Variants in PRKN observed in about 807,000 individuals in gnomAD.
PRKN encodes the protein parkin RBR E3 ubiquitin protein ligase.
PRKN carries 56 observed loss-of-function variants against 59.5 expected under a neutral mutation model. That is an observed-to-expected ratio of 0.94 (90% CI 0.76 to 1.18). The LOEUF (loss-of-function observed/expected upper bound fraction) is 1.18. PRKN is among the 50% of genes most tolerant of loss of function. PRKN has a pLI of 0.00. For synonymous variants in PRKN, 250 were observed against 222.1 expected, an observed-to-expected ratio of 1.13 and a Z score of -1.12; for missense variants, 657 against 596.4, an observed-to-expected ratio of 1.10 and a Z score of -1.06.
At chr6:161,573,785 TATATATATATAA>T (rs1238158577) in intron 7 of PRKN, among the ~76,000 whole-genome samples, 4 of 97,106 alleles carry the variant, frequency 4.1e-5, no homozygotes, top group South Asian at 3.6e-4. Flanking sequence ...TATATATATA[TATATATATATAA>T]AACTTCATTC....
chr6:161,476,105 T>G (rs939589612), intron 9 of PRKN, among the ~76,000 whole-genome samples: 2 of 150,832 alleles, frequency 1.3e-5, no homozygotes, highest in East Asian at 3.9e-4. Flanking sequence ...GAGAATGGTG[T>G]GGACCCGGGA....
chr6:162,579,209 A>C (rs910197474), intron 1 of PRKN, among the ~76,000 whole-genome samples: 1 of 152,182 alleles, frequency 6.6e-6, no homozygotes, highest in East Asian at 1.9e-4. Context: ...TCTGTCACTT[A>C]GTTTCAAGAA....
chr6:162,201,309 G>GA, intron 3 of PRKN, 57 bp from the exon 4 acceptor site: 2 of 1,587,448 alleles, frequency 1.3e-6, no homozygotes, highest in Non-Finnish European at 8.6e-7. Flanking sequence ...ATTGAGACAA[G>GA]AAACTCTTTA....
Position 162,011,481 on chromosome 6 carries a change from T to TTATATATATTATAATATATAATATA in PRKN, c.619-38065_619-38064insTATATTATATATTATAATATATATA, listed in dbSNP as rs1782708407. On this transcript the variant is annotated intron_variant, in intron 5 of 11. Coordinates refer to ENST00000366898, the MANE Select transcript of PRKN (RefSeq NM_004562.3). ...TATATATATTATAATATATAATATA[T>TTATATATATTATAATATATAATATA]TATAATATATATAATATATATTTAT... 2.5e-4 allele frequency among the ~76,000 whole-genome samples: 4 copies of TTATATATATTATAATATATAATATA among 16,082 alleles called. 2 individuals are homozygous for TTATATATATTATAATATATAATATA. The highest frequency in any genetic ancestry group is 1.1e-3 in the African/African-American group (4 of 3,636). The allele number at this position is 16,082 out of a possible 152,430, so 10.6% of individuals were successfully genotyped here.
At chr6:162,026,350 G>C (rs1436709941) in intron 5 of PRKN, among the ~76,000 whole-genome samples, 1 of 152,164 alleles carries the variant, frequency 6.6e-6, no homozygotes, top group Admixed American at 6.5e-5. Flanking sequence ...ATTGTAAATA[G>C]AGGCAGATGA....
chr6:162,228,049 A>C (rs1562596396), intron 3 of PRKN, among the ~76,000 whole-genome samples: 1 of 152,196 alleles, frequency 6.6e-6, no homozygotes, highest in Non-Finnish European at 1.5e-5. Context: ...TATCGTAGAG[A>C]GAATTCTCCA....
intron 2 of PRKN, among the ~76,000 whole-genome samples, chr6:162,362,672 C>T (rs1406263463): frequency 6.6e-6 from 1 of 152,000 alleles, no homozygotes; most frequent in African/African-American, 2.4e-5. Flanking sequence ...TAGGAAGAGG[C>T]GGACTCACAT....
chr6:162,500,678 G>A (rs1793323705), intron 1 of PRKN, among the ~76,000 whole-genome samples: 1 of 152,124 alleles, frequency 6.6e-6, no homozygotes, highest in Non-Finnish European at 1.5e-5. Flanking sequence ...ACTAAATAAG[G>A]CATGCTAACA....
At chr6:161,553,441 C>T (rs532706058) in intron 8 of PRKN, among the ~76,000 whole-genome samples, 1 of 152,032 alleles carries the variant, frequency 6.6e-6, no homozygotes, top group African/African-American at 2.4e-5. Flanking sequence ...ATCTCTCTGT[C>T]CTCCTTTCTC....
At chr6:161,375,775 T>C (rs1785671247) in intron 10 of PRKN, among the ~76,000 whole-genome samples, 1 of 152,184 alleles carries the variant, frequency 6.6e-6, no homozygotes, top group African/African-American at 2.4e-5. Flanking sequence ...GGGCGGGTGC[T>C]GTCCTGGCAC....
At chr6:162,719,739 T>G (rs1778860449) in intron 1 of PRKN, among the ~76,000 whole-genome samples, 1 of 152,118 alleles carries the variant, frequency 6.6e-6, no homozygotes, top group Non-Finnish European at 1.5e-5. Flanking sequence ...TCAAGCCCTG[T>G]GGCAACAAGT....
chr6:162,679,043 G>A (rs1197350750), intron 1 of PRKN, among the ~76,000 whole-genome samples: 2 of 148,782 alleles, frequency 1.3e-5, no homozygotes, highest in Admixed American at 6.7e-5. Flanking sequence ...CCCAAAGTGC[G>A]GGATTACAGA....
intron 6 of PRKN, among the ~76,000 whole-genome samples, chr6:161,867,272 G>A (rs1178929970): frequency 6.6e-6 from 1 of 152,150 alleles, no homozygotes; most frequent in Non-Finnish European, 1.5e-5. Flanking sequence ...TTTAGCATGT[G>A]AGGTCCATAT....
At chr6:162,558,160 T>G (rs539961349) in intron 1 of PRKN, among the ~76,000 whole-genome samples, 1 of 152,158 alleles carries the variant, frequency 6.6e-6, no homozygotes, top group African/African-American at 2.4e-5. Context: ...AAAATCACTT[T>G]TCTTTATGGT....
chr6:162,674,324 G>C (rs1779453626), intron 1 of PRKN, among the ~76,000 whole-genome samples: 1 of 152,170 alleles, frequency 6.6e-6, no homozygotes, highest in Admixed American at 6.5e-5. Context: ...GCATAGAATA[G>C]AGATGTACTC....
intron 1 of PRKN, among the ~76,000 whole-genome samples, chr6:162,608,234 A>G (rs1241322249): frequency 6.6e-6 from 1 of 152,240 alleles, no homozygotes; most frequent in Non-Finnish European, 1.5e-5. Context: ...GGGAGAAAAT[A>G]CAGGAGTCAA....
intron 5 of PRKN, among the ~76,000 whole-genome samples, chr6:161,975,947 C>G (rs1781015115): frequency 2.0e-5 from 3 of 152,114 alleles, no homozygotes; most frequent in Admixed American, 2.0e-4. Context: ...ACTCTATCGC[C>G]TAGGCTGGAA....
chr6:161,424,987 A>G (rs1332809586), intron 9 of PRKN, among the ~76,000 whole-genome samples: 1 of 152,308 alleles, frequency 6.6e-6, no homozygotes, highest in South Asian at 2.1e-4. Flanking sequence ...GAAACACTTA[A>G]GAAAGTACTC....
At chr6:162,675,115 T>C (rs867597593) in intron 1 of PRKN, among the ~76,000 whole-genome samples, 2 of 141,048 alleles carry the variant, frequency 1.4e-5, no homozygotes, top group South Asian at 4.6e-4. Flanking sequence ...GGCGCGATCT[T>C]GGCTCACTGC....
Sources: allele counts gnomAD v4.1 joint callset (sites outside exome capture counted in the v4.1 genomes callset), GRCh38; gene constraint gnomAD v4.1.1; transcripts MANE v1.5; gene names NCBI Gene and HGNC (gene_info 2026-07-23, HGNC 2026-07-21).